The following ATXN2 variants were observed in gnomAD, a reference collection of about 807,000 sequenced individuals.
ATXN2 encodes the protein ataxin-2.
In ATXN2, 37 loss-of-function variants were observed where a neutral mutation model predicts 138.6. The ratio of observed to expected loss-of-function variants is 0.27; its 90% CI spans 0.21 to 0.35. The LOEUF is 0.35. Ranked by LOEUF, ATXN2 falls within the 10% of genes least tolerant of loss-of-function variation. The probability of loss-of-function intolerance (pLI) is 1.00; values close to 1 mark genes in which losing one functional copy is unlikely to be tolerated. For synonymous variants in ATXN2, 549 were observed against 543.7 expected (o/e 1.01, Z -0.13); for missense variants, 1,216 against 1,480.3 (o/e 0.82, Z 2.93).
At chr12:111,541,828 C>T (rs938381682) in intron 5 of ATXN2, among the ~76,000 whole-genome samples, 2 of 146,844 alleles carry the variant, frequency 1.4e-5, no homozygotes, top group Non-Finnish European at 3.0e-5. Flanking sequence ...TGGAGTCACC[C>T]GGCTGGAGTG....
chr12:111,554,196 C>T lies in ATXN2; in HGVS notation c.310G>A (p.Ala104Thr). 1 of 1,452,302 alleles carries T rather than the reference C, an allele frequency of 6.9e-7. No homozygotes were observed. The highest frequency in any genetic ancestry group is 9.2e-7 in the Non-Finnish European group (1 of 1,089,402). 90.0% of individuals were successfully genotyped at this position (1,452,302 alleles called of 1,614,324 possible). A position where few individuals can be genotyped will look rare whatever the true frequency, so the allele number is the denominator to read the frequency against. The change falls in exon 3 of 25, where the codon GCA becomes ACA. Residue 104 changes from alanine to threonine, a missense_variant. Around this residue, in one of 4 missense-constraint regions of ATXN2, gnomAD observed 401 missense variants for 528.1 expected, o/e 0.76. Transcript: ENST00000673436. ...QSTISFDGIY[A>T]NMRMVHILTS... ...AGTATATGAACCATCCTCATATTTG[C>T]ATAGATTCCATCAAAAGAAATCTGG...
At chr12:111,476,489 T>A (rs1246295569) in intron 18 of ATXN2, among the ~76,000 whole-genome samples, 1 of 149,032 alleles carries the variant, frequency 6.7e-6, no homozygotes, top group African/African-American at 2.5e-5. Flanking sequence ...AACACCAACA[T>A]GGTGATTAGA....
rs931962514 is a variant in ATXN2, at chr12:111,552,409, C to T, written c.442G>A (p.Ala148Thr). ...CTGGATTCTGTACTTTTCTCATGTG[C>T]GGCATCAAGTACCAAATCACACTAA... Reference protein sequence around the residue: ...SPKCDLVLDAAHEKSTESSSG... With the variant: ...SPKCDLVLDATHEKSTESSSG... Residue 148 changes from alanine to threonine, a missense_variant, in exon 5 of 25, where the codon GCA (alanine) becomes ACA (threonine). Around this residue, in one of 4 missense-constraint regions of ATXN2, gnomAD observed 401 missense variants for 528.1 expected, o/e 0.76. Transcript: ENST00000673436. This position sits in a 1 kb window ranked among gnomAD's most constrained non-coding sequence, Gnocchi z 4.1. 14 of 1,611,248 alleles carry T rather than the reference C, an allele frequency of 8.7e-6. No individual in the cohort carries two copies. Among genetic ancestry groups the T allele is most frequent in the East Asian group, 2.2e-5 (1 of 44,694 alleles).
intron 20 of ATXN2, chr12:111,469,181 A>G (rs1476631677): frequency 2.0e-5 from 3 of 152,120 alleles, no homozygotes; most frequent in African/African-American, 4.8e-5. Context: ...TTTCAACTGT[A>G]TGAATAAACC....
At chr12:111,577,655 G>GCAT (rs1031002380) in intron 1 of ATXN2, among the ~76,000 whole-genome samples, 2 of 152,168 alleles carry the variant, frequency 1.3e-5, no homozygotes, top group African/African-American at 4.8e-5. Context: ...TTTTGACCAG[G>GCAT]CGTGATGGCT....
chr12:111,532,208 C>T (rs1199383340), intron 5 of ATXN2, among the ~76,000 whole-genome samples: 3 of 152,046 alleles, frequency 2.0e-5, no homozygotes, highest in Non-Finnish European at 2.9e-5. Context: ...AGGCCGGGTG[C>T]GGTGGCTCAC....
chr12:111,581,347 AACCCGACCACAGCT>A (rs1017529625), intron 1 of ATXN2: 1 of 578,312 alleles, frequency 1.7e-6, no homozygotes, highest in Non-Finnish European at 3.2e-6. Flanking sequence ...CCACCCCAGC[AACCCGACCACAGCT>A]GGTCTTCCCT....
At chr12:111,507,503 C>A (rs916702648) in intron 14 of ATXN2, among the ~76,000 whole-genome samples, 4 of 151,218 alleles carry the variant, frequency 2.6e-5, no homozygotes, top group African/African-American at 9.7e-5. Flanking sequence ...GGGGGTCAGC[C>A]CCCGCCCGGC....
intron 14 of ATXN2, among the ~76,000 whole-genome samples, chr12:111,496,434 G>C (rs546818698): frequency 6.6e-6 from 1 of 152,230 alleles, no homozygotes; most frequent in East Asian, 1.9e-4. Context: ...TACTCAGGAG[G>C]CTGAGGCAGA....
intron 21 of ATXN2, chr12:111,461,296 C>G (rs1337515676): frequency 2.6e-5 from 4 of 152,018 alleles, no homozygotes; most frequent in Non-Finnish European, 5.9e-5. Flanking sequence ...ACGGCGAAAC[C>G]CTGTCTCTAC....
chr12:111,468,260 C>T (rs1401546709), intron 20 of ATXN2: 3 of 152,206 alleles, frequency 2.0e-5, no homozygotes, highest in Non-Finnish European at 2.9e-5. Flanking sequence ...AGTCAAATGA[C>T]GGGGTCATAA....
chr12:111,495,172 G>C (rs991632171), intron 14 of ATXN2, among the ~76,000 whole-genome samples: 1 of 152,082 alleles, frequency 6.6e-6, no homozygotes, highest in Non-Finnish European at 1.5e-5. Flanking sequence ...GCTGGGCTTG[G>C]TGGCAGGCGC....
intron 14 of ATXN2, among the ~76,000 whole-genome samples, chr12:111,507,866 A>T (rs1879261093): frequency 6.6e-6 from 1 of 152,200 alleles, no homozygotes; most frequent in African/African-American, 2.4e-5. Context: ...CTTACCCCCA[A>T]CCCTGTGCTC....
chr12:111,486,700 T>G, intron 16 of ATXN2, 61 bp downstream of exon 16: 1 of 1,396,958 alleles, frequency 7.2e-7, no homozygotes, highest in South Asian at 1.2e-5. Context: ...GAAGAAGGAC[T>G]ATTACTAATA....
chr12:111,527,785 C>T (rs1880580651), intron 5 of ATXN2, among the ~76,000 whole-genome samples: 2 of 152,222 alleles, frequency 1.3e-5, no homozygotes, highest in Admixed American at 1.3e-4. Flanking sequence ...ATCTTACCAA[C>T]ACCTCATCTT....
chr12:111,491,212 C>A (rs941839342), intron 14 of ATXN2, among the ~76,000 whole-genome samples: 2 of 152,084 alleles, frequency 1.3e-5, no homozygotes, highest in Admixed American at 1.3e-4. Context: ...GAGATTGCGT[C>A]ACTATACTCC....
chr12:111,587,741 A>G (rs924601491), intron 1 of ATXN2, among the ~76,000 whole-genome samples: 1 of 152,196 alleles, frequency 6.6e-6, no homozygotes, highest in African/African-American at 2.4e-5. Context: ...GGAGACCAAC[A>G]TTCTAAAGTT....
At chr12:111,493,089 G>A (rs1878150076) in intron 14 of ATXN2, among the ~76,000 whole-genome samples, 2 of 152,052 alleles carry the variant, frequency 1.3e-5, no homozygotes, top group Admixed American at 6.6e-5. Context: ...TCAAGCAGCA[G>A]AAAACATTAG....
At chr12:111,579,099 A>G (rs546985009) in intron 1 of ATXN2, among the ~76,000 whole-genome samples, 57 of 152,300 alleles carry the variant, frequency 3.7e-4, no homozygotes, top group Non-Finnish European at 7.4e-4. Context: ...CAAACAGTTT[A>G]GCAATTACTT....
Sources: allele counts gnomAD v4.1 joint callset (sites outside exome capture counted in the v4.1 genomes callset), GRCh38; gene constraint gnomAD v4.1.1; regional missense constraint gnomAD v4.1.1; non-coding constraint Gnocchi (gnomAD v3.1); transcripts MANE v1.5; gene names NCBI Gene and HGNC (gene_info 2026-07-23, HGNC 2026-07-21).